Variants in GPC5 observed in about 807,000 individuals in gnomAD.
GPC5 encodes glypican 5.
Under a neutral mutation model 53.9 loss-of-function variants are expected in GPC5, and 47 were observed. The ratio of observed to expected loss-of-function variants is 0.87; its 90% CI spans 0.69 to 1.11. The LOEUF is 1.11. GPC5 is among the 50% of genes most tolerant of loss of function. The pLI is 0.00. For synonymous variants in GPC5, 286 were observed against 263.3 expected, an observed-to-expected ratio of 1.09 and a Z score of -0.84; for missense variants, 748 against 713.1, an observed-to-expected ratio of 1.05 and a Z score of -0.56.
intron 7 of GPC5, among the ~76,000 whole-genome samples, chr13:92,760,631 T>C (rs1875128070): frequency 6.6e-6 from 1 of 152,044 alleles, no homozygotes; most frequent in African/African-American, 2.4e-5. Context: ...TTTTTTCCTA[T>C]GATTTTTCTT....
At chr13:91,708,833 G>A (rs1019500995) in intron 3 of GPC5, among the ~76,000 whole-genome samples, 8 of 152,126 alleles carry the variant, frequency 5.3e-5, no homozygotes, top group Non-Finnish European at 1.2e-4. Flanking sequence ...AGGCTTTGGA[G>A]ACTCAGAGGA....
intron 7 of GPC5, among the ~76,000 whole-genome samples, chr13:92,665,370 T>C (rs1281570489): frequency 2.6e-5 from 4 of 152,054 alleles, no homozygotes; most frequent in Admixed American, 6.6e-5. Context: ...GATAGGAAAA[T>C]AGAGGCTAAT....
intron 7 of GPC5, among the ~76,000 whole-genome samples, chr13:92,754,332 C>T (rs1874742858): frequency 1.3e-5 from 2 of 152,160 alleles, no homozygotes; most frequent in Admixed American, 1.3e-4. Flanking sequence ...GAAGGAAGCG[C>T]TAAACATGGA....
At chr13:91,987,873 T>C (rs2040423153) in intron 6 of GPC5, among the ~76,000 whole-genome samples, 1 of 145,816 alleles carries the variant, frequency 6.9e-6, no homozygotes, top group Admixed American at 7.0e-5. Context: ...TTTTATATTA[T>C]ATATTTAATA....
intron 4 of GPC5, among the ~76,000 whole-genome samples, chr13:91,746,906 G>A (rs1300996665): frequency 1.3e-5 from 2 of 152,116 alleles, no homozygotes; most frequent in Non-Finnish European, 2.9e-5. Flanking sequence ...GTATAGCTTG[G>A]TACAGATTTT....
At chr13:92,458,224 TG>T (rs987760413) in intron 7 of GPC5, among the ~76,000 whole-genome samples, 3 of 149,368 alleles carry the variant, frequency 2.0e-5, no homozygotes, top group African/African-American at 7.4e-5. Context: ...GCTTAAAGGC[TG>T]GGGAATGTTC....
intron 6 of GPC5, among the ~76,000 whole-genome samples, chr13:92,086,654 T>TC (rs1047452638): frequency 1.3e-5 from 2 of 149,706 alleles, no homozygotes; most frequent in African/African-American, 4.9e-5. Flanking sequence ...TCTCTCTCTC[T>TC]TTTTTTTTTC....
At chr13:91,773,088 A>T (rs1458712637) in intron 5 of GPC5, among the ~76,000 whole-genome samples, 1 of 152,148 alleles carries the variant, frequency 6.6e-6, no homozygotes, top group East Asian at 1.9e-4. Flanking sequence ...TTCCATCTTG[A>T]TGTACAGAGC....
At position 92,476,359 on chromosome 13, in the gene GPC5, A is replaced by G. The variant is rs968195003; in HGVS notation, c.1561+331370A>G. On this transcript the variant is annotated intron_variant, in intron 7 of 7. Transcript: ENST00000377067. ...CCACAATGAGATACCATCTCACACC[A>G]GTTAGAATGGCAATCATTAAAAAGT... Among the ~76,000 whole-genome samples the G allele has an allele frequency of 4.0e-5, 6 of 151,868 alleles. No individual in the cohort carries two copies. The South Asian group carries it at 8.3e-4, about 21-fold the overall frequency.
chr13:91,566,409 A>C (rs978395474), intron 2 of GPC5, among the ~76,000 whole-genome samples: 50 of 152,046 alleles, frequency 3.3e-4, no homozygotes, highest in African/African-American at 1.1e-3. Context: ...ACTAAAATAC[A>C]AAAAATTAGC....
At chr13:92,437,285 T>C (rs1420175739) in intron 7 of GPC5, among the ~76,000 whole-genome samples, 2 of 152,172 alleles carry the variant, frequency 1.3e-5, no homozygotes, top group East Asian at 1.9e-4. Context: ...GTCTTACTAA[T>C]AATACTGCAG....
chr13:92,003,492 A>G (rs2040576060), intron 6 of GPC5, among the ~76,000 whole-genome samples: 1 of 152,164 alleles, frequency 6.6e-6, no homozygotes, highest in Admixed American at 6.5e-5. Context: ...TCTTCAATTG[A>G]AAATATTAGA....
chr13:92,048,898 A>C (rs2041004806), intron 6 of GPC5, among the ~76,000 whole-genome samples: 1 of 152,214 alleles, frequency 6.6e-6, no homozygotes, highest in African/African-American at 2.4e-5. Context: ...TTTCCTTAAC[A>C]AGAAGACACA....
At chr13:92,449,462 G>A (rs953487200) in intron 7 of GPC5, among the ~76,000 whole-genome samples, 7 of 152,112 alleles carry the variant, frequency 4.6e-5, no homozygotes, top group African/African-American at 9.7e-5. Context: ...TATACTTTAT[G>A]TTTAAATATG....
chr13:91,589,939 G>C (rs188282659), intron 2 of GPC5, among the ~76,000 whole-genome samples: 2 of 152,138 alleles, frequency 1.3e-5, no homozygotes, highest in Admixed American at 1.3e-4. Context: ...CAGTCCTATA[G>C]TGTGTAACCT....
At chr13:92,558,139 A>G (rs1882564867) in intron 7 of GPC5, among the ~76,000 whole-genome samples, 2 of 152,012 alleles carry the variant, frequency 1.3e-5, no homozygotes, top group South Asian at 4.1e-4. Flanking sequence ...TAGATAAAAG[A>G]TAACTGCTAT....
rs2034108416 is a variant in GPC5, at chr13:91,629,768, A to G, written c.326-63419A>G. 3.3e-5 allele frequency among the ~76,000 whole-genome samples: 5 copies of G among 152,146 alleles called. No homozygotes were observed. In the South Asian group the frequency reaches 1.0e-3, roughly 31 times the overall value. ...ATGTGGACCTTTTGGGGCTATGATT[A>G]CTTACTGTTTTGAATCATTCTTTTT... is the stretch of plus-strand genomic sequence containing the variant. On this transcript the variant is annotated intron_variant, in intron 2 of 7. Transcript: ENST00000377067.
chr13:91,587,411 G>T (rs1248784087), intron 2 of GPC5, among the ~76,000 whole-genome samples: 1 of 152,170 alleles, frequency 6.6e-6, no homozygotes, highest in South Asian at 2.1e-4. Context: ...AGGCATATTT[G>T]TATTGTTGTC....
At chr13:92,850,229 G>T (rs1878747779) in intron 7 of GPC5, among the ~76,000 whole-genome samples, 1 of 152,156 alleles carries the variant, frequency 6.6e-6, no homozygotes, top group Non-Finnish European at 1.5e-5. Context: ...AACATAGGAT[G>T]CCCAAGAAAG....
Sources: gnomAD v4.1 joint callset for allele counts (sites outside exome capture counted in the v4.1 genomes callset) on GRCh38, gnomAD v4.1.1 for gene constraint, MANE v1.5 for transcripts, NCBI Gene and HGNC (gene_info 2026-07-23, HGNC 2026-07-21) for gene names.